Variants in CAMKK2 observed in about 807,000 individuals in gnomAD.
The protein encoded by CAMKK2 is calcium/calmodulin dependent protein kinase kinase 2.
CAMKK2 carries 30 observed loss-of-function variants against 67.2 expected under a neutral mutation model. That is an observed-to-expected ratio of 0.45 (90% CI 0.33 to 0.61). The LOEUF is 0.61. CAMKK2 is among the 20% of genes least tolerant of loss of function. The pLI, the probability that CAMKK2 is intolerant of heterozygous loss-of-function variation, is 0.02. For missense variants in CAMKK2, 643 were observed against 802.0 expected, an observed-to-expected ratio of 0.80 and a Z score of 2.39; for synonymous variants, 322 against 326.2, an observed-to-expected ratio of 0.99 and a Z score of 0.14.
chr12:121,240,976 A>T lies in CAMKK2; in HGVS notation c.1597-107T>A. Reference sequence around the variant, plus strand: ...CCCCTGCCCAAGTGGGCCGTCGCGCACCCCCTGGAACGTGATCTACGTAAC... The same window carrying T: ...CCCCTGCCCAAGTGGGCCGTCGCGCTCCCCCTGGAACGTGATCTACGTAAC... On this transcript the variant is annotated intron_variant, in intron 16 of 16. Coordinates refer to ENST00000404169, the MANE Select transcript of CAMKK2 (RefSeq NM_001270485.2). This position sits in a 1 kb window ranked among gnomAD's most constrained non-coding sequence, Gnocchi z 4.4. 1 of 1,053,816 alleles carries T rather than the reference A, an allele frequency of 9.5e-7. No individual in the cohort carries two copies. The highest frequency in any genetic ancestry group is 1.4e-6 in the Non-Finnish European group (1 of 713,180). The allele number at this position is 1,053,816 out of a possible 1,614,324, so 65.3% of individuals were successfully genotyped here. A position where few individuals can be genotyped will look rare whatever the true frequency, so the allele number is the denominator to read the frequency against.
Position 121,253,237 on chromosome 12 carries a change from G to A in CAMKK2, c.1107+36C>T. 1 of 1,585,550 alleles carries A rather than the reference G, an allele frequency of 6.3e-7. No homozygotes were observed. Among genetic ancestry groups the A allele is most frequent in the East Asian group, 2.2e-5 (1 of 44,714 alleles). On this transcript the variant is annotated intron_variant, in intron 10 of 16. Coordinates refer to ENST00000404169, the MANE Select transcript of CAMKK2 (RefSeq NM_001270485.2). The surrounding 1 kb of genome is among the most constrained non-coding windows in gnomAD (Gnocchi z 5.0). ...TTACAATCCAGAAGACACTAACACA[G>A]GCAGAACTCTGTGGCTGAGGCAGGC...
In CAMKK2 at chr12:121,260,518, C is replaced by T. The variant is rs754542544; in HGVS notation, c.760-163G>A. ...AGTTAAGATGGAAGATAGGGAAAAC[C>T]CCCAGAGTGTGAGATCCTAATGGCT... On this transcript the variant is annotated intron_variant, in intron 6 of 16. Transcript: ENST00000404169. 8.0e-5 allele frequency: 53 copies of T among 659,506 alleles called. No individual in the cohort carries two copies. In the Middle Eastern group the frequency reaches 2.0e-3, roughly 25 times the overall value. The allele number at this position is 659,506 out of a possible 1,614,324, so 40.9% of individuals were successfully genotyped here. A position where few individuals can be genotyped will look rare whatever the true frequency, so the allele number is the denominator to read the frequency against.
At chr12:121,266,219 C>T (rs1000775889) in intron 5 of CAMKK2, among the ~76,000 whole-genome samples, 1 of 152,208 alleles carries the variant, frequency 6.6e-6, no homozygotes, top group East Asian at 1.9e-4. Flanking sequence ...CCACCGCTCC[C>T]GGCCTGAGAT....
intron 6 of CAMKK2, among the ~76,000 whole-genome samples, chr12:121,261,367 G>A (rs1893413631): frequency 6.6e-6 from 1 of 152,170 alleles, no homozygotes; most frequent in Non-Finnish European, 1.5e-5. Flanking sequence ...GCCAACTCTA[G>A]CACCAGTGAG....
intron 1 of CAMKK2, among the ~76,000 whole-genome samples, chr12:121,284,786 G>C (rs1217424829): frequency 6.6e-6 from 1 of 152,224 alleles, no homozygotes; most frequent in Non-Finnish European, 1.5e-5. Context: ...CTGTGTTTGA[G>C]AGAGATGAGA....
chr12:121,257,788 G>A (rs1593342146), intron 7 of CAMKK2, among the ~76,000 whole-genome samples: 1 of 152,038 alleles, frequency 6.6e-6, no homozygotes, highest in Non-Finnish European at 1.5e-5. Flanking sequence ...ACAACCCAGC[G>A]CTGGCCCCCT....
Position 121,249,837 on chromosome 12 carries a change from G to A in CAMKK2, c.1273C>T (p.Arg425Cys), listed in dbSNP as rs778606038. 17 of 1,614,050 alleles carry A rather than the reference G, an allele frequency of 1.1e-5. No homozygotes were observed. Among genetic ancestry groups the A allele is most frequent in the East Asian group, 4.5e-5 (2 of 44,896 alleles). The change falls in exon 13 of 17, where the codon CGT (arginine) becomes TGT (cysteine). Residue 425 changes from arginine to cysteine, a missense_variant. By Grantham distance (180) the Arg-to-Cys change is radical. Around this residue, in one of 3 missense-constraint regions of CAMKK2, gnomAD observed 483 missense variants for 625.8 expected, o/e 0.77. Transcript: ENST00000404169. ...GACTCGGGGTTCTTGTCCAGCATAC[G>A]GGTGATCAGGTCCTTCAAGTCCTCA... Reference protein sequence around the residue: ...IAEDLKDLITRMLDKNPESRI... With the variant: ...IAEDLKDLITCMLDKNPESRI...
rs79110617 is a variant in CAMKK2 at position 121,245,417 on chromosome 12, G to T, written c.1453-177C>A. The stretch of plus-strand genomic sequence containing the variant: ...ACCCCGCAACCAACCCCCGCCGAAA[G>T]AATCCTCTGGGAAAAGGTGCTGTCC... On this transcript the variant is annotated intron_variant, in intron 14 of 16. Transcript: ENST00000404169. This position sits in a 1 kb window ranked among gnomAD's most constrained non-coding sequence, Gnocchi z 5.8. Among the ~76,000 whole-genome samples, 1,474 of 152,284 alleles carry T rather than the reference G, an allele frequency of 9.7e-3. 20 individuals are homozygous for T. Among genetic ancestry groups the T allele is most frequent in the African/African-American group, 0.034 (1,405 of 41,552 alleles).
chr12:121,280,613 G>T (rs1897594364), intron 1 of CAMKK2, among the ~76,000 whole-genome samples: 1 of 152,152 alleles, frequency 6.6e-6, no homozygotes, highest in African/African-American at 2.4e-5. Context: ...TTCTCAGCAT[G>T]GAACGTCCCT....
In CAMKK2 at chr12:121,285,167, G is replaced by A. The variant is rs1199030084; in HGVS notation, c.-59-10582C>T. Among the ~76,000 whole-genome samples the A allele has an allele frequency of 6.6e-6, 1 of 152,202 alleles. No homozygotes were observed. The highest frequency in any genetic ancestry group is 1.5e-5 in the Non-Finnish European group (1 of 68,040). On this transcript the variant is annotated intron_variant, in intron 1 of 16. Coordinates refer to ENST00000404169, the MANE Select transcript of CAMKK2 (RefSeq NM_001270485.2). The surrounding 1 kb of genome is among the most constrained non-coding windows in gnomAD (Gnocchi z 4.1). ...GAGATTTGCATGTGACTCAAGCCTG[G>A]CCAGCTGGCTATCAATTGCTCTGGT...
At chr12:121,266,558 G>C (rs549267344) in intron 5 of CAMKK2, among the ~76,000 whole-genome samples, 1 of 150,400 alleles carries the variant, frequency 6.6e-6, no homozygotes, top group Non-Finnish European at 1.5e-5. Context: ...GTGCAGTGGC[G>C]CGATCTCGGC....
chr12:121,290,992 G>C (rs1412713872), intron 1 of CAMKK2, among the ~76,000 whole-genome samples: 2 of 152,114 alleles, frequency 1.3e-5, no homozygotes, highest in Non-Finnish European at 2.9e-5. Flanking sequence ...GCTAATTTTT[G>C]AATTTTTAGT....
At chr12:121,246,373 G>C (rs2668247) in intron 14 of CAMKK2, among the ~76,000 whole-genome samples, 120,525 of 151,410 alleles carry the variant, frequency 0.8, 48,003 homozygotes, top group African/African-American at 0.81. Context: ...TGGAGAAACC[G>C]CGTCTCCACT....
In CAMKK2 at chr12:121,245,513, T is replaced by C. The variant is rs1889272344; in HGVS notation, c.1453-273A>G. ...CTGCTTTCCACCTCCCTCCCTCCCA[T>C]CCCTTCCAAAACCCAGATCTGGTCC... On this transcript the variant is annotated intron_variant, in intron 14 of 16. Transcript: ENST00000404169. This position sits in a 1 kb window ranked among gnomAD's most constrained non-coding sequence, Gnocchi z 5.8. Among the ~76,000 whole-genome samples the C allele has an allele frequency of 6.7e-6, 1 of 148,688 alleles. No homozygotes were observed. Among genetic ancestry groups the C allele is most frequent in the South Asian group, 2.2e-4 (1 of 4,458 alleles).
intron 6 of CAMKK2, 101 bp from the exon 7 acceptor site, chr12:121,260,456 T>C (rs1893221510): frequency 1.9e-6 from 2 of 1,057,784 alleles, no homozygotes; most frequent in Non-Finnish European, 2.9e-6. Context: ...TGGCTGCGTT[T>C]GCCAACAGGA....
At chr12:121,246,169 G>A (rs552101631) in intron 14 of CAMKK2, among the ~76,000 whole-genome samples, 1 of 147,560 alleles carries the variant, frequency 6.8e-6, no homozygotes, top group Non-Finnish European at 1.5e-5. Context: ...ATAATTGCAT[G>A]TCACTGTGAA....
rs1298590512 is a variant in CAMKK2 at position 121,296,304 on chromosome 12, G to C, written c.-60+334C>G. Reference sequence around the variant, plus strand: ...GGGGCTGGGCCTAGGCCGCCTCCACGAACCCTGACGGACCCGGCCCCCGGT... The same window carrying C: ...GGGGCTGGGCCTAGGCCGCCTCCACCAACCCTGACGGACCCGGCCCCCGGT... On this transcript the variant is annotated intron_variant, in intron 1 of 16. Coordinates refer to ENST00000404169, the MANE Select transcript of CAMKK2 (RefSeq NM_001270485.2). This position sits in a 1 kb window ranked among gnomAD's most constrained non-coding sequence, Gnocchi z 7.1. 2.0e-5 allele frequency among the ~76,000 whole-genome samples: 3 copies of C among 152,154 alleles called. No individual in the cohort carries two copies. The highest frequency in any genetic ancestry group is 7.2e-5 in the African/African-American group (3 of 41,448).
chr12:121,244,233 G>A (rs1888954341), intron 16 of CAMKK2: 6 of 1,179,656 alleles, frequency 5.1e-6, no homozygotes, highest in South Asian at 4.0e-5. Flanking sequence ...GACTCGGGGG[G>A]GCACCCATGG....
intron 16 of CAMKK2, chr12:121,243,487 T>C (rs1888783909): frequency 6.6e-6 from 1 of 152,278 alleles, no homozygotes; most frequent in Admixed American, 6.5e-5. Context: ...AATGGAATCT[T>C]ATTTGGCCAT....
Sources: allele counts gnomAD v4.1 joint callset (sites outside exome capture counted in the v4.1 genomes callset), GRCh38; gene constraint gnomAD v4.1.1; regional missense constraint gnomAD v4.1.1; non-coding constraint Gnocchi (gnomAD v3.1); transcripts MANE v1.5; gene names NCBI Gene and HGNC (gene_info 2026-07-23, HGNC 2026-07-21).